CDK14: variants seen among roughly 807,000 people sequenced by gnomAD.
The protein encoded by CDK14 is cyclin dependent kinase 14.
CDK14 carries 34 observed loss-of-function variants against 60.7 expected under a neutral mutation model. The observed-to-expected ratio is 0.56, with a 90% confidence interval of 0.43 to 0.75. The LOEUF is 0.75. Ranked by LOEUF, CDK14 falls within the 30% of genes least tolerant of loss-of-function variation. The pLI is 0.00. For missense variants in CDK14, 482 were observed against 564.1 expected, an observed-to-expected ratio of 0.85 and a Z score of 1.47; for synonymous variants, 197 against 203.7, an observed-to-expected ratio of 0.97 and a Z score of 0.28.
intron 14 of CDK14, among the ~76,000 whole-genome samples, chr7:91,185,003 C>T (rs982123184): frequency 3.3e-5 from 5 of 151,202 alleles, no homozygotes; most frequent in Non-Finnish European, 7.4e-5. Context: ...TGCATAAAGG[C>T]GTGCATACAT....
intron 2 of CDK14, among the ~76,000 whole-genome samples, chr7:90,707,693 C>T (rs1001978676): frequency 6.6e-6 from 1 of 152,146 alleles, no homozygotes; most frequent in Non-Finnish European, 1.5e-5. Flanking sequence ...TGGTTATTTC[C>T]TCATACAGCT....
At chr7:90,819,585 T>C (rs1012233647) in intron 5 of CDK14, among the ~76,000 whole-genome samples, 2 of 151,954 alleles carry the variant, frequency 1.3e-5, no homozygotes, top group Non-Finnish European at 2.9e-5. Flanking sequence ...CCCTAAGCAA[T>C]TTGTAGTCTT....
At chr7:90,958,737 G>T (rs1176247746) in intron 9 of CDK14, among the ~76,000 whole-genome samples, 1 of 152,048 alleles carries the variant, frequency 6.6e-6, no homozygotes, top group Non-Finnish European at 1.5e-5. Context: ...GTGTTATGGG[G>T]CTTTTTCTCT....
intron 14 of CDK14, among the ~76,000 whole-genome samples, chr7:91,129,835 T>C (rs1433026193): frequency 6.6e-6 from 1 of 152,174 alleles, no homozygotes; most frequent in Non-Finnish European, 1.5e-5. Flanking sequence ...TGATATTATA[T>C]AGTGAAACGT....
At chr7:91,125,751 A>T (rs1228928704) in intron 14 of CDK14, among the ~76,000 whole-genome samples, 2 of 152,188 alleles carry the variant, frequency 1.3e-5, no homozygotes, top group Non-Finnish European at 2.9e-5. Flanking sequence ...TATGCTAAGC[A>T]TGGAATCAAA....
chr7:91,127,862 G>A (rs560981363), intron 14 of CDK14, among the ~76,000 whole-genome samples: 2 of 152,218 alleles, frequency 1.3e-5, no homozygotes, highest in South Asian at 2.1e-4. Flanking sequence ...ACAGAAAATA[G>A]TATTGCCTCG....
intron 2 of CDK14, among the ~76,000 whole-genome samples, chr7:90,623,616 G>C (rs1041987013): frequency 1.3e-5 from 2 of 152,070 alleles, no homozygotes; most frequent in African/African-American, 4.8e-5. Flanking sequence ...GTGAATATCA[G>C]GTTTTTTTTC....
chr7:91,001,336 G>A (rs547211671), intron 10 of CDK14, among the ~76,000 whole-genome samples: 2 of 152,228 alleles, frequency 1.3e-5, no homozygotes, highest in Admixed American at 6.5e-5. Context: ...AATGAAAGAA[G>A]GAAATTTAGT....
chr7:90,941,229 TGCCTGGAA>T (rs1412227512), intron 8 of CDK14, among the ~76,000 whole-genome samples: 2 of 151,946 alleles, frequency 1.3e-5, no homozygotes, highest in East Asian at 3.9e-4. Context: ...GTGGGGAGGG[TGCCTGGAA>T]GCATGGATGC....
intron 5 of CDK14, among the ~76,000 whole-genome samples, chr7:90,792,863 T>C (rs1805890133): frequency 6.6e-6 from 1 of 152,210 alleles, no homozygotes; most frequent in Non-Finnish European, 1.5e-5. Flanking sequence ...AAACATGCTA[T>C]AGAGTTTCCT....
At chr7:90,656,387 T>C (rs540960831) in intron 2 of CDK14, among the ~76,000 whole-genome samples, 78 of 151,062 alleles carry the variant, frequency 5.2e-4, no homozygotes, top group African/African-American at 1.9e-3. Flanking sequence ...TTCTTTCTTT[T>C]TTTTTTTTTT....
At chr7:90,625,781 G>A (rs886248567) in intron 2 of CDK14, among the ~76,000 whole-genome samples, 2 of 152,142 alleles carry the variant, frequency 1.3e-5, no homozygotes, top group Admixed American at 6.5e-5. Flanking sequence ...TTGTTCCCCC[G>A]GCCAGGAATG....
At chr7:90,980,007 A>G (rs1795187679) in intron 9 of CDK14, among the ~76,000 whole-genome samples, 1 of 152,070 alleles carries the variant, frequency 6.6e-6, no homozygotes, top group Non-Finnish European at 1.5e-5. Context: ...AAAACTCCCA[A>G]ATTATGTAAG....
At chr7:90,930,247 T>G (rs1389339124) in intron 8 of CDK14, among the ~76,000 whole-genome samples, 4 of 151,916 alleles carry the variant, frequency 2.6e-5, no homozygotes, top group Non-Finnish European at 4.4e-5. Flanking sequence ...TAAAAAAAAA[T>G]GCATAGATTG....
intron 2 of CDK14, among the ~76,000 whole-genome samples, chr7:90,634,111 T>TTG (rs1554423736): frequency 6.6e-6 from 1 of 151,684 alleles, no homozygotes; most frequent in Non-Finnish European, 1.5e-5. Flanking sequence ...AATTGAGTCT[T>TTG]TTTGTTTCTT....
intron 14 of CDK14, among the ~76,000 whole-genome samples, chr7:91,126,386 C>A (rs1799945937): frequency 1.3e-5 from 2 of 152,090 alleles, no homozygotes; most frequent in Admixed American, 6.6e-5. Context: ...AAAATTAACA[C>A]CCCTAAATGT....
chr7:90,803,877 G>A (rs1431327558), intron 5 of CDK14, among the ~76,000 whole-genome samples: 1 of 152,136 alleles, frequency 6.6e-6, no homozygotes, highest in African/African-American at 2.4e-5. Context: ...GGTCTAACAA[G>A]ATTTTTTTTG....
chr7:90,999,015 A>G lies in CDK14; in HGVS notation c.1041+14774A>G, dbSNP rs139786105. On this transcript the variant is annotated intron_variant, in intron 10 of 14. Transcript: ENST00000380050. Reference sequence around the variant, plus strand: ...GTCGTAACATCGTGGAGAGCATCAGATGGCTAGAGGGCAAGAGCATGTCAG... The same window carrying G: ...GTCGTAACATCGTGGAGAGCATCAGGTGGCTAGAGGGCAAGAGCATGTCAG... Among the ~76,000 whole-genome samples the G allele has an allele frequency of 1.5e-3, 226 of 152,290 alleles. 2 individuals are homozygous for G. Among genetic ancestry groups the G allele is most frequent in the Non-Finnish European group, 2.1e-3 (140 of 68,018 alleles).
At chr7:91,014,183 C>T (rs1434470336) in intron 10 of CDK14, among the ~76,000 whole-genome samples, 1 of 152,090 alleles carries the variant, frequency 6.6e-6, no homozygotes, top group Non-Finnish European at 1.5e-5. Context: ...TTAATACATA[C>T]ATTCCTGGTA....
Sources: gnomAD v4.1 joint callset for allele counts (sites outside exome capture counted in the v4.1 genomes callset) on GRCh38, gnomAD v4.1.1 for gene constraint, MANE v1.5 for transcripts, NCBI Gene and HGNC (gene_info 2026-07-23, HGNC 2026-07-21) for gene names.